The following EPHB1 variants were observed in gnomAD, a reference collection of about 807,000 sequenced individuals.
The protein encoded by EPHB1 is EPH receptor B1.
EPHB1 carries 30 observed loss-of-function variants against 94.4 expected under a neutral mutation model. That is an observed-to-expected ratio of 0.32 (90% confidence interval 0.24 to 0.43). The LOEUF (loss-of-function observed/expected upper bound fraction) is 0.43, where lower values mean the gene tolerates loss of function less well. Among genes scored for constraint, EPHB1 ranks in the 20% least tolerant of loss-of-function variants. EPHB1 has a pLI of 1.00. For synonymous variants in EPHB1, 522 were observed against 489.1 expected (o/e 1.07, Z -0.89); for missense variants, 1,055 against 1,308.3 (o/e 0.81, Z 2.99).
At chr3:135,239,763 G>T (rs971866382) in intron 12 of EPHB1, among the ~76,000 whole-genome samples, 22 of 152,290 alleles carry the variant, frequency 1.4e-4, no homozygotes, top group African/African-American at 5.3e-4. Flanking sequence ...TTCAGCCATT[G>T]TGGATTGCTT....
intron 3 of EPHB1, among the ~76,000 whole-genome samples, chr3:135,061,684 T>C (rs749350600): frequency 6.6e-6 from 1 of 151,936 alleles, no homozygotes; most frequent in Non-Finnish European, 1.5e-5. Context: ...TCCATGTGGG[T>C]GTGCTGCACC....
chr3:134,926,941 A>T (rs1434524494), intron 2 of EPHB1, among the ~76,000 whole-genome samples: 2 of 152,172 alleles, frequency 1.3e-5, no homozygotes, highest in Non-Finnish European at 2.9e-5. Flanking sequence ...GGCAGGAATG[A>T]GAGAAAGAGA....
At chr3:134,886,058 G>A (rs1039722008) in intron 1 of EPHB1, among the ~76,000 whole-genome samples, 12 of 152,212 alleles carry the variant, frequency 7.9e-5, no homozygotes, top group Admixed American at 1.3e-4. Context: ...GGGGAAGGTG[G>A]TGACTCAGCA....
At chr3:134,797,751 C>T (rs2035858304) in intron 1 of EPHB1, among the ~76,000 whole-genome samples, 1 of 152,190 alleles carries the variant, frequency 6.6e-6, no homozygotes, top group South Asian at 2.1e-4. Context: ...GGTGGCTTCC[C>T]TTGCTGCAGC....
At chr3:135,017,753 C>T (rs577105049) in intron 3 of EPHB1, among the ~76,000 whole-genome samples, 3 of 152,250 alleles carry the variant, frequency 2.0e-5, no homozygotes, top group South Asian at 2.1e-4. Flanking sequence ...TGGCACTGGG[C>T]GTGTCTTTTT....
At chr3:134,904,944 A>G (rs1174660026) in intron 1 of EPHB1, among the ~76,000 whole-genome samples, 2 of 152,162 alleles carry the variant, frequency 1.3e-5, no homozygotes, top group Non-Finnish European at 2.9e-5. Flanking sequence ...CGGGCTTTGC[A>G]CCAGGTGGCA....
intron 12 of EPHB1, among the ~76,000 whole-genome samples, chr3:135,210,285 G>A (rs1016787809): frequency 3.9e-5 from 6 of 152,142 alleles, no homozygotes; most frequent in Non-Finnish European, 8.8e-5. Flanking sequence ...AAAATTCTGA[G>A]AGACACTTGT....
At chr3:134,996,942 A>G (rs194179) in intron 3 of EPHB1, among the ~76,000 whole-genome samples, 76,213 of 151,840 alleles carry the variant, frequency 0.5, 20,990 homozygotes, top group African/African-American at 0.73. Context: ...ATGTAGTTTG[A>G]TCTATCAGTC....
Position 135,256,400 on chromosome 3 carries a change from G to T in EPHB1, c.2847-2612G>T, listed in dbSNP as rs539281499. On this transcript the variant is annotated intron_variant, in intron 15 of 15. Transcript: ENST00000398015. ...TTTAGCGCTTCCTTCAGGAGCTCTT[G>T]TAGGGCAGGTCTGGTGGTGACAAAA... Among the ~76,000 whole-genome samples, 1,033 of 152,244 alleles carry T rather than the reference G, an allele frequency of 6.8e-3. 12 individuals carry two copies. The highest frequency in any genetic ancestry group is 0.022 in the African/African-American group (929 of 41,542).
At chr3:135,019,858 A>T (rs922044069) in intron 3 of EPHB1, among the ~76,000 whole-genome samples, 2 of 152,260 alleles carry the variant, frequency 1.3e-5, no homozygotes, top group Non-Finnish European at 2.9e-5. Flanking sequence ...GAACAACTTC[A>T]TTCATAAATC....
chr3:135,030,732 T>G (rs1239612350), intron 3 of EPHB1, among the ~76,000 whole-genome samples: 1 of 152,256 alleles, frequency 6.6e-6, no homozygotes, highest in East Asian at 1.9e-4. Context: ...CAGGCCTCCT[T>G]GAGCTGTGGT....
chr3:134,893,912 A>G (rs2038036726), intron 1 of EPHB1, among the ~76,000 whole-genome samples: 1 of 152,192 alleles, frequency 6.6e-6, no homozygotes. Context: ...CTGTGGCCAA[A>G]CTGTGGACCC....
At chr3:134,889,771 G>A (rs988396720) in intron 1 of EPHB1, among the ~76,000 whole-genome samples, 17 of 151,418 alleles carry the variant, frequency 1.1e-4, no homozygotes, top group African/African-American at 3.4e-4. Context: ...GCCGCCTTCC[G>A]GGTTCATGCC....
At chr3:135,249,617 C>A in intron 15 of EPHB1, 126 bp downstream of exon 15, 1 of 1,151,416 alleles carries the variant, frequency 8.7e-7, no homozygotes, top group Non-Finnish European at 1.2e-6. Context: ...ATAGACCAGG[C>A]CTGGATGGGG....
intron 3 of EPHB1, among the ~76,000 whole-genome samples, chr3:135,007,697 A>G (rs62273107): frequency 0.015 from 2,218 of 152,356 alleles, 28 homozygotes; most frequent in Middle Eastern, 0.054. Context: ...TTTGTCCTGT[A>G]TAAAGAGCAC....
intron 6 of EPHB1, among the ~76,000 whole-genome samples, chr3:135,155,606 C>T (rs1305468923): frequency 1.3e-5 from 2 of 151,808 alleles, no homozygotes. Context: ...GAGTTCAAGA[C>T]TAGCCTGACC....
chr3:135,018,619 G>C (rs1935885407), intron 3 of EPHB1, among the ~76,000 whole-genome samples: 1 of 152,124 alleles, frequency 6.6e-6, no homozygotes, highest in South Asian at 2.1e-4. Context: ...AAATTTAGCA[G>C]ATACCTTTGA....
intron 1 of EPHB1, among the ~76,000 whole-genome samples, chr3:134,916,963 C>T (rs910176322): frequency 5.9e-5 from 9 of 152,214 alleles, no homozygotes; most frequent in African/African-American, 2.2e-4. Flanking sequence ...TTCTGAACAC[C>T]TCTGTTGTTT....
intron 1 of EPHB1, chr3:134,796,345 G>A (rs2035827082): frequency 6.4e-6 from 1 of 155,100 alleles, no homozygotes; most frequent in Admixed American, 6.5e-5. Flanking sequence ...GTCGGGGAGA[G>A]GTGGAAACCC....
Sources: allele counts gnomAD v4.1 joint callset (sites outside exome capture counted in the v4.1 genomes callset), GRCh38; gene constraint gnomAD v4.1.1; transcripts MANE v1.5; gene names NCBI Gene and HGNC (gene_info 2026-07-23, HGNC 2026-07-21).